The following CCDC171 variants were observed in gnomAD, a reference collection of about 807,000 sequenced individuals.
The protein encoded by CCDC171 is coiled-coil domain-containing protein 171.
A neutral mutation model predicts 168.2 loss-of-function variants in CCDC171; 177 were observed. That is an observed-to-expected ratio of 1.05 (90% CI 0.93 to 1.19). The LOEUF (loss-of-function observed/expected upper bound fraction) is 1.19, where lower values mean the gene tolerates loss of function less well. CCDC171 is among the 50% of genes most tolerant of loss of function. CCDC171 has a pLI of 0.00. For missense variants in CCDC171, 1,991 were observed against 1,539.0 expected, an observed-to-expected ratio of 1.29 and a Z score of -4.91; for synonymous variants, 687 against 540.8, an observed-to-expected ratio of 1.27 and a Z score of -3.75.
chr9:15,634,961 C>G (rs923118113), intron 7 of CCDC171, among the ~76,000 whole-genome samples: 2 of 152,148 alleles, frequency 1.3e-5, no homozygotes, highest in Non-Finnish European at 2.9e-5. Flanking sequence ...CATGTTGCAG[C>G]ATGTATTAGT....
chr9:15,987,706 G>A (rs948471675), intron 3 of CCDC171, among the ~76,000 whole-genome samples: 4 of 152,204 alleles, frequency 2.6e-5, no homozygotes, highest in Non-Finnish European at 5.9e-5. Context: ...AATACAGGTT[G>A]AGTATCCCTT....
intron 7 of CCDC171, among the ~76,000 whole-genome samples, chr9:15,638,819 A>G (rs1327541090): frequency 6.6e-6 from 1 of 152,058 alleles, no homozygotes; most frequent in Non-Finnish European, 1.5e-5. Flanking sequence ...TGGATACCAT[A>G]GAATCAAGGG....
rs1312381170 is a variant in CCDC171 at position 15,955,389 on chromosome 9, G to A, written c.3754-16220G>A. Among the ~76,000 whole-genome samples the A allele has an allele frequency of 3.3e-5, 5 of 152,088 alleles. No individual in the cohort carries two copies. The East Asian group carries it at 9.6e-4, about 29-fold the overall frequency. On this transcript the variant is annotated intron_variant, in intron 25 of 25. Coordinates refer to ENST00000380701, the MANE Select transcript of CCDC171 (RefSeq NM_173550.4). ...AATGTGGGGAGGTGCAACAATAATG[G>A]TCACCTGCCTTTTGGTACCTCTGTG... is the stretch of plus-strand genomic sequence containing the variant.
intron 7 of CCDC171, among the ~76,000 whole-genome samples, chr9:15,631,864 A>G (rs959755847): frequency 1.3e-5 from 2 of 152,230 alleles, no homozygotes; most frequent in African/African-American, 4.8e-5. Context: ...GGCTGTTTCA[A>G]TATATGCAAA....
chr9:15,643,029 G>GT (rs1032277795), intron 7 of CCDC171, among the ~76,000 whole-genome samples: 10 of 151,352 alleles, frequency 6.6e-5, no homozygotes, highest in African/African-American at 2.2e-4. Context: ...TGTTAGCCTT[G>GT]TTTTTTTTCT....
chr9:15,935,417 A>G (rs1826998508), intron 25 of CCDC171, among the ~76,000 whole-genome samples: 1 of 152,068 alleles, frequency 6.6e-6, no homozygotes, highest in Non-Finnish European at 1.5e-5. Flanking sequence ...GATGAAATCT[A>G]AATTCCCTGT....
At chr9:16,032,174 G>T (rs1404712860) in intron 6 of CCDC171, among the ~76,000 whole-genome samples, 1 of 152,176 alleles carries the variant, frequency 6.6e-6, no homozygotes, top group African/African-American at 2.4e-5. Context: ...GAAGCCAAGT[G>T]GGTAGGATGC....
At chr9:15,656,237 G>T (rs1399689095) in intron 7 of CCDC171, among the ~76,000 whole-genome samples, 1 of 151,746 alleles carries the variant, frequency 6.6e-6, no homozygotes, top group Non-Finnish European at 1.5e-5. Context: ...CAGGAGAATG[G>T]TATGAACCCG....
rs143604445 is a variant in CCDC171 at position 15,553,520 on chromosome 9, C to T, written c.-112+218C>T. The T allele has an allele frequency of 8.3e-3, 1,268 of 152,576 alleles. 6 individuals carry two copies. Among genetic ancestry groups the T allele is most frequent in the Non-Finnish European group, 0.014 (976 of 68,274 alleles). The allele number at this position is 152,576 out of a possible 1,614,324, so 9.5% of individuals were successfully genotyped here. On this transcript the variant is annotated intron_variant, in intron 1 of 25. Transcript: ENST00000380701. ...GATCGCTGAGGCTGTACCAGAGCGC[C>T]GGATGGGGACCAGAGGGGAGGCAGA...
At chr9:15,662,380 GA>G (rs1169454239) in intron 8 of CCDC171, among the ~76,000 whole-genome samples, 1 of 149,912 alleles carries the variant, frequency 6.7e-6, no homozygotes, top group Non-Finnish European at 1.5e-5. Flanking sequence ...GATTAATGTT[GA>G]AACATTTTCA....
chr9:16,075,881 A>G, the CCDC171 span, among the ~76,000 whole-genome samples: 3 of 152,108 alleles, frequency 2.0e-5, no homozygotes, highest in Non-Finnish European at 4.4e-5. Context: ...AGCACAGCAT[A>G]GCATAGCATA....
At chr9:15,725,570 C>G (rs2053749463) in intron 14 of CCDC171, among the ~76,000 whole-genome samples, 1 of 152,150 alleles carries the variant, frequency 6.6e-6, no homozygotes, top group Non-Finnish European at 1.5e-5. Context: ...CTGCCCCAGC[C>G]TCCTGAGTAG....
At chr9:15,597,606 C>G (rs2131581431) in intron 6 of CCDC171, among the ~76,000 whole-genome samples, 1 of 152,158 alleles carries the variant, frequency 6.6e-6, no homozygotes, top group East Asian at 1.9e-4. Flanking sequence ...CTAAAATTCT[C>G]TTTTTTTGTT....
chr9:15,899,264 G>T (rs1454533993), intron 24 of CCDC171, among the ~76,000 whole-genome samples: 1 of 152,112 alleles, frequency 6.6e-6, no homozygotes, highest in Non-Finnish European at 1.5e-5. Context: ...GTTGTTTCTG[G>T]ATTTCGGCTA....
chr9:16,101,775 T>C, the CCDC171 span, among the ~76,000 whole-genome samples: 3 of 152,110 alleles, frequency 2.0e-5, no homozygotes, highest in African/African-American at 7.2e-5. Context: ...TAGCCTCCAG[T>C]TGACAGCCAG....
In CCDC171 at chr9:15,729,905, A is replaced by G. The variant is rs759387400; in HGVS notation, c.2049+107A>G. The G allele has an allele frequency of 1.5e-4, 113 of 758,296 alleles. 1 individual carries two copies. The highest frequency in any genetic ancestry group is 2.3e-4 in the Non-Finnish European group (107 of 469,300). The allele number at this position is 758,296 out of a possible 1,614,324, so 47.0% of individuals were successfully genotyped here. A position where few individuals can be genotyped will look rare whatever the true frequency, so the allele number is the denominator to read the frequency against. ...CTAAATCAGTTTAAACTTCTTAAGA[A>G]CTTCGTAGAACTTGTTTAGATACAC... On this transcript the variant is annotated intron_variant, in intron 16 of 25. Transcript: ENST00000380701.
chr9:15,625,269 G>A (rs540006757), intron 7 of CCDC171, among the ~76,000 whole-genome samples: 10 of 152,190 alleles, frequency 6.6e-5, no homozygotes, highest in East Asian at 1.9e-4. Flanking sequence ...TATAGATTGC[G>A]TGTTCACTCT....
intron 24 of CCDC171, among the ~76,000 whole-genome samples, chr9:15,901,525 A>T (rs1821663809): frequency 6.6e-6 from 1 of 152,216 alleles, no homozygotes; most frequent in Non-Finnish European, 1.5e-5. Flanking sequence ...TCTATTTAAA[A>T]AGTAAATATA....
At chr9:15,675,073 G>A (rs2133331455) in intron 9 of CCDC171, among the ~76,000 whole-genome samples, 1 of 151,662 alleles carries the variant, frequency 6.6e-6, no homozygotes, top group Non-Finnish European at 1.5e-5. Flanking sequence ...ATTTAGGACA[G>A]TTAGTTTTTC....
Sources: gnomAD v4.1 joint callset for allele counts (sites outside exome capture counted in the v4.1 genomes callset) on GRCh38, gnomAD v4.1.1 for gene constraint, MANE v1.5 for transcripts, NCBI Gene and HGNC (gene_info 2026-07-23, HGNC 2026-07-21) for gene names.